Variants in GALNT1 observed in about 807,000 individuals in gnomAD.
The protein encoded by GALNT1 is polypeptide N-acetylgalactosaminyltransferase 1.
GALNT1 carries 17 observed loss-of-function variants against 65.7 expected under a neutral mutation model. That is an observed-to-expected ratio of 0.26 (90% CI 0.18 to 0.39). The LOEUF (loss-of-function observed/expected upper bound fraction) is 0.39. Ranked by LOEUF, GALNT1 falls within the 10% of genes least tolerant of loss-of-function variation. GALNT1 has a pLI of 1.00. For missense variants in GALNT1, 460 were observed against 672.8 expected, an observed-to-expected ratio of 0.68 and a Z score of 3.50; for synonymous variants, 210 against 219.7, an observed-to-expected ratio of 0.96 and a Z score of 0.39.
At chr18:35,581,361 C>T (rs2046310096), upstream of GALNT1, 1 of 150,444 alleles carries the variant, frequency 6.6e-6, no homozygotes, top group Non-Finnish European at 1.5e-5. Flanking sequence ...CGCCCGACCC[C>T]GGAGTCCCGA....
At position 35,663,766 on chromosome 18, in the gene GALNT1, C is replaced by T; in HGVS notation, c.278C>T (p.Ala93Val). The T allele has an allele frequency of 6.2e-6, 10 of 1,613,878 alleles. No homozygotes were observed. The highest frequency in any genetic ancestry group is 8.5e-6 in the Non-Finnish European group (10 of 1,179,846). Residue 93 changes from alanine to valine, a missense_variant, in exon 3 of 12, where the codon GCA (alanine) becomes GTA (valine). Physicochemically the swap from Ala to Val is moderately conservative, Grantham distance 64 (BLOSUM62 0). Transcript: ENST00000269195. ...QFNLMASEMI[A>V]LNRSLPDVRL... ...AATTTAATGGCAAGTGAGATGATTG[C>T]ACTCAACAGATCTTTACCAGATGTT...
At chr18:35,664,110 G>A (rs528614039) in intron 3 of GALNT1, 28 of 326,308 alleles carry the variant, frequency 8.6e-5, no homozygotes, top group African/African-American at 5.8e-4. Context: ...TAAGTTGTAT[G>A]TAACTTGAAA....
chr18:35,648,135 G>T lies in GALNT1; in HGVS notation c.-103-6425G>T, dbSNP rs148604290. 6.6e-3 allele frequency among the ~76,000 whole-genome samples: 952 copies of T among 143,754 alleles called. 14 individuals are homozygous for T. Among genetic ancestry groups the T allele is most frequent in the East Asian group, 0.049 (217 of 4,464 alleles). 94.3% of individuals were successfully genotyped at this position (143,754 alleles called of 152,430 possible). A position where few individuals can be genotyped will look rare whatever the true frequency, so the allele number is the denominator to read the frequency against. The stretch of plus-strand genomic sequence containing the variant: ...GGGAAGGAAAGAGGGAGGGAAGGAA[G>T]GAAGGGAGGGAGGGAGGGAGAGAGG... On this transcript the variant is annotated intron_variant, in intron 1 of 11. Coordinates refer to ENST00000269195, the MANE Select transcript of GALNT1 (RefSeq NM_020474.4).
chr18:35,669,123 C>T (rs142824560), intron 3 of GALNT1, among the ~76,000 whole-genome samples: 1,955 of 152,280 alleles, frequency 0.013, 16 homozygotes, highest in Non-Finnish European at 0.019. Context: ...CACCTGTAGT[C>T]CCAGCTACTC....
At chr18:35,600,417 T>A (rs1383157958) in intron 1 of GALNT1, among the ~76,000 whole-genome samples, 1 of 152,218 alleles carries the variant, frequency 6.6e-6, no homozygotes, top group East Asian at 1.9e-4. Context: ...TCTAGTAGTT[T>A]GCTGATGGAG....
intron 11 of GALNT1, among the ~76,000 whole-genome samples, chr18:35,706,752 A>C (rs2048269300): frequency 6.6e-6 from 1 of 152,186 alleles, no homozygotes. Context: ...GTTGCAATGC[A>C]GGTCCAACAG....
intron 3 of GALNT1, among the ~76,000 whole-genome samples, chr18:35,668,932 GAATT>G (rs2144504031): frequency 6.6e-6 from 1 of 152,236 alleles, no homozygotes; most frequent in East Asian, 1.9e-4. Context: ...CTATTAAGTA[GAATT>G]AATTATTTAA....
At chr18:35,690,965 C>A in intron 7 of GALNT1, 47 bp from the exon 8 acceptor site, 1 of 1,452,914 alleles carries the variant, frequency 6.9e-7, no homozygotes, top group Non-Finnish European at 9.2e-7. Flanking sequence ...GTGAACATTT[C>A]CTGATTACTC....
chr18:35,685,284 G>T (rs1256997849), intron 5 of GALNT1, among the ~76,000 whole-genome samples: 1 of 151,998 alleles, frequency 6.6e-6, no homozygotes, highest in Non-Finnish European at 1.5e-5. Flanking sequence ...TTGGTTTAGC[G>T]TAATATTACA....
Position 35,703,702 on chromosome 18 carries a change from TAC to T in GALNT1, c.1533+60_1533+61del. ...ATGTGTGTCACTGGGTATATTTATA[TAC>T]TTTATATCTAAAGGAATGAGTTCTT... is the stretch of plus-strand genomic sequence containing the variant. On this transcript the variant is annotated intron_variant, in intron 11 of 11. Transcript: ENST00000269195. 3 of 1,538,950 alleles carry T rather than the reference TAC, an allele frequency of 1.9e-6. No individual in the cohort carries two copies. The African/African-American group carries it at 4.1e-5, about 21-fold the overall frequency.
intron 1 of GALNT1, among the ~76,000 whole-genome samples, chr18:35,618,219 CATTAA>C (rs1222736857): frequency 1.3e-5 from 2 of 152,058 alleles, no homozygotes; most frequent in African/African-American, 4.8e-5. Context: ...ACATTATTTA[CATTAA>C]ATGTAGTCTA....
At chr18:35,684,273 A>G (rs2047833013) in intron 5 of GALNT1, among the ~76,000 whole-genome samples, 1 of 151,948 alleles carries the variant, frequency 6.6e-6, no homozygotes, top group African/African-American at 2.4e-5. Context: ...GTGAACTTTT[A>G]CTAGTCAAGT....
chr18:35,638,801 T>C (rs9789186), intron 1 of GALNT1, among the ~76,000 whole-genome samples: 11,450 of 152,150 alleles, frequency 0.075, 468 homozygotes, highest in African/African-American at 0.096. Flanking sequence ...ATTAAGAACA[T>C]TTCTGATTCA....
intron 2 of GALNT1, among the ~76,000 whole-genome samples, chr18:35,656,206 A>C (rs565595210): frequency 1.3e-5 from 2 of 152,216 alleles, no homozygotes; most frequent in Non-Finnish European, 1.5e-5. Context: ...ATGGTGTTCT[A>C]TCTTAAATGT....
chr18:35,630,323 T>G (rs777319579), intron 1 of GALNT1, among the ~76,000 whole-genome samples: 12 of 152,106 alleles, frequency 7.9e-5, no homozygotes, highest in Non-Finnish European at 1.6e-4. Context: ...CCTCAGCAAA[T>G]GTAAAAGAAC....
intron 1 of GALNT1, among the ~76,000 whole-genome samples, chr18:35,634,356 G>T (rs969854768): frequency 5.3e-5 from 8 of 152,134 alleles, no homozygotes; most frequent in Admixed American, 5.2e-4. Flanking sequence ...ACTGATTTCT[G>T]TCTTAATATG....
At chr18:35,594,767 A>G (rs2046485423) in intron 1 of GALNT1, among the ~76,000 whole-genome samples, 1 of 152,202 alleles carries the variant, frequency 6.6e-6, no homozygotes, top group Admixed American at 6.5e-5. Context: ...CAAGTTTGGC[A>G]GGGGTGAGGG....
chr18:35,645,475 C>T (rs779776387), intron 1 of GALNT1, among the ~76,000 whole-genome samples: 5 of 152,008 alleles, frequency 3.3e-5, no homozygotes, highest in East Asian at 1.9e-4. Context: ...CCTCCTGATC[C>T]GCCCGTGGCC....
rs150888850 is a variant in GALNT1 at position 35,684,004 on chromosome 18, A to C, written c.689+406A>C. ...CAAGAAGTAGAAGAGAATGGAGAGA[A>C]GCACATTGTGTCCTGAAATGCTTAA... On this transcript the variant is annotated intron_variant, in intron 5 of 11. Coordinates refer to ENST00000269195, the MANE Select transcript of GALNT1 (RefSeq NM_020474.4). Among the ~76,000 whole-genome samples, 437 of 152,370 alleles carry C rather than the reference A, an allele frequency of 2.9e-3. 1 individual carries two copies. Among genetic ancestry groups the C allele is most frequent in the African/African-American group, 9.7e-3 (404 of 41,594 alleles).
Sources: allele counts gnomAD v4.1 joint callset (sites outside exome capture counted in the v4.1 genomes callset), GRCh38; gene constraint gnomAD v4.1.1; transcripts MANE v1.5; gene names NCBI Gene and HGNC (gene_info 2026-07-23, HGNC 2026-07-21).